AK7: variants seen among roughly 807,000 people sequenced by gnomAD.
AK7 encodes the protein ATP-AMP transphosphorylase 7.
In AK7, 78 loss-of-function variants were observed where a neutral mutation model predicts 96.6. That is an observed-to-expected ratio of 0.81 (90% CI 0.67 to 0.97). AK7 has a LOEUF of 0.97. Among genes scored for constraint, AK7 ranks in the 50% least tolerant of loss-of-function variants. AK7 has a pLI of 0.00. For missense variants in AK7, 855 were observed against 887.9 expected, an observed-to-expected ratio of 0.96 and a Z score of 0.47; for synonymous variants, 302 against 317.2, an observed-to-expected ratio of 0.95 and a Z score of 0.51.
At chr14:96,421,030 G>A in intron 5 of AK7, 98 bp downstream of exon 5, 4 of 814,466 alleles carry the variant, frequency 4.9e-6, no homozygotes, top group Non-Finnish European at 7.9e-6. Flanking sequence ...CTGAGCTTTA[G>A]GCTCACCCCA....
At chr14:96,392,787 C>G (rs1418276354) in intron 1 of AK7, among the ~76,000 whole-genome samples, 24 of 152,118 alleles carry the variant, frequency 1.6e-4, no homozygotes, top group Admixed American at 1.5e-3. Context: ...CCTCAGCCTC[C>G]GAGTAGCTGG....
chr14:96,460,718 T>C (rs1348031439), intron 12 of AK7, among the ~76,000 whole-genome samples: 3 of 152,166 alleles, frequency 2.0e-5, no homozygotes, highest in Non-Finnish European at 2.9e-5. Flanking sequence ...CTACCAGGTG[T>C]CCATGTCACC....
chr14:96,438,184 T>C (rs1892754647), intron 6 of AK7, among the ~76,000 whole-genome samples: 2 of 152,234 alleles, frequency 1.3e-5, no homozygotes, highest in Admixed American at 1.3e-4. Context: ...TGGAAACTGT[T>C]GTAGGTACTT....
chr14:96,424,870 A>T (rs985815428), intron 5 of AK7, among the ~76,000 whole-genome samples: 1 of 152,176 alleles, frequency 6.6e-6, no homozygotes, highest in Admixed American at 6.5e-5. Context: ...TTTATGTTTA[A>T]TTTACAGGTG....
Position 96,398,248 on chromosome 14 carries a change from G to C in AK7, c.279G>C (p.Ala93=), listed in dbSNP as rs114723307. The C allele has an allele frequency of 8.1e-6, 13 of 1,613,082 alleles. No homozygotes were observed. The highest frequency in any genetic ancestry group is 2.2e-5 in the East Asian group (1 of 44,874). The change falls in exon 2 of 18, where the codon GCG becomes GCC. Residue 93 remains alanine (A), a synonymous_variant. Transcript: ENST00000267584. Reference sequence around the variant, plus strand: ...CTGACAGCCCGCGGCCTGACTTTGCGGTGGAGACGTACTCTGTAAGTCCCG... The same window carrying C: ...CTGACAGCCCGCGGCCTGACTTTGCCGTGGAGACGTACTCTGTAAGTCCCG... ...SKPDSPRPDF[A]VETYSAISRE... is the part of the protein sequence containing the mutation.
chr14:96,418,155 T>C (rs1385906693), intron 4 of AK7, among the ~76,000 whole-genome samples: 3 of 137,848 alleles, frequency 2.2e-5, no homozygotes, highest in Non-Finnish European at 3.2e-5. Flanking sequence ...AGACCCTGCC[T>C]TTACACAAAA....
chr14:96,478,222 A>AGGG (rs1566811450), intron 14 of AK7, among the ~76,000 whole-genome samples: 1 of 132,900 alleles, frequency 7.5e-6, no homozygotes, highest in Non-Finnish European at 1.6e-5. Context: ...GAAGAGAGGG[A>AGGG]GGGGGGAAGA....
At chr14:96,442,584 G>T in intron 6 of AK7, 146 bp from the exon 7 acceptor site, 1 of 718,180 alleles carries the variant, frequency 1.4e-6, no homozygotes, top group South Asian at 1.6e-5. Flanking sequence ...ATCTCATCAG[G>T]GCTGATTTAT....
chr14:96,465,678 C>T (rs183619372), intron 12 of AK7, among the ~76,000 whole-genome samples: 1 of 151,792 alleles, frequency 6.6e-6, no homozygotes, highest in African/African-American at 2.4e-5. Context: ...TTTATTTTAC[C>T]TGGTGAATGG....
rs71103528 is a variant in AK7 at position 96,448,630 on chromosome 14, TAAAAAAAAAAAAAAAA to T, written c.871-1153_871-1138del. 2.1e-3 allele frequency among the ~76,000 whole-genome samples: 158 copies of T among 74,888 alleles called. 1 individual carries two copies. The highest frequency in any genetic ancestry group is 2.1e-3 in the Admixed American group (12 of 5,608). 49.1% of individuals were successfully genotyped at this position (74,888 alleles called of 152,430 possible). On this transcript the variant is annotated intron_variant, in intron 8 of 17. Transcript: ENST00000267584. Reference sequence around the variant, plus strand: ...GGGCAATAGAACAAGACCCTATCTCTAAAAAAAAAAAAAAAAAAAAAAAAAAAAAAAAAATTACGGC... The same window carrying T: ...GGGCAATAGAACAAGACCCTATCTCTAAAAAAAAAAAAAAAAAATTACGGC...
At chr14:96,475,033 G>A (rs1895099057) in intron 14 of AK7, among the ~76,000 whole-genome samples, 1 of 152,228 alleles carries the variant, frequency 6.6e-6, no homozygotes, top group African/African-American at 2.4e-5. Flanking sequence ...ACCTGCCTGT[G>A]AGATAAGGAA....
chr14:96,480,653 G>A (rs891266770), intron 15 of AK7, among the ~76,000 whole-genome samples: 6 of 152,230 alleles, frequency 3.9e-5, no homozygotes, highest in African/African-American at 1.4e-4. Context: ...GAAAAATAGT[G>A]ATTGTCATCT....
chr14:96,428,031 G>A (rs1271764715), intron 5 of AK7, among the ~76,000 whole-genome samples: 1 of 152,028 alleles, frequency 6.6e-6, no homozygotes, highest in African/African-American at 2.4e-5. Flanking sequence ...TGTTACATAT[G>A]TATACATGTC....
intron 3 of AK7, 58 bp from the exon 4 acceptor site, chr14:96,408,789 A>G: frequency 6.5e-7 from 1 of 1,549,584 alleles, no homozygotes; most frequent in Non-Finnish European, 8.9e-7. Flanking sequence ...AGTACACGTG[A>G]TTTAGAAACC....
At chr14:96,423,782 G>A (rs895540246) in intron 5 of AK7, 3 of 739,696 alleles carry the variant, frequency 4.1e-6, no homozygotes, top group East Asian at 2.7e-5. Flanking sequence ...GACCCCGAGC[G>A]CGTACTTTTT....
intron 5 of AK7, among the ~76,000 whole-genome samples, chr14:96,429,758 CTGTT>C (rs1428338952): frequency 1.3e-5 from 2 of 152,120 alleles, no homozygotes; most frequent in Admixed American, 6.5e-5. Context: ...ATTTGGCTCT[CTGTT>C]TGTCTGTTAT....
intron 1 of AK7, among the ~76,000 whole-genome samples, chr14:96,394,213 A>T (rs1889924555): frequency 6.6e-6 from 1 of 152,136 alleles, no homozygotes; most frequent in Admixed American, 6.6e-5. Flanking sequence ...GTTCCAAAGT[A>T]GGAATAGGGT....
chr14:96,482,941 CA>C, intron 15 of AK7, 57 bp from the exon 16 acceptor site: 1 of 1,542,718 alleles, frequency 6.5e-7, no homozygotes, highest in Non-Finnish European at 8.9e-7. Flanking sequence ...AGAATTTTCC[CA>C]ATTGCAGGCA....
intron 15 of AK7, among the ~76,000 whole-genome samples, chr14:96,482,301 C>T (rs59879307): frequency 0.024 from 3,613 of 152,172 alleles, 143 homozygotes; most frequent in African/African-American, 0.082. Flanking sequence ...TATGAATGGG[C>T]GTGGGGTAAG....
Sources: allele counts gnomAD v4.1 joint callset (sites outside exome capture counted in the v4.1 genomes callset), GRCh38; gene constraint gnomAD v4.1.1; transcripts MANE v1.5; gene names NCBI Gene and HGNC (gene_info 2026-07-23, HGNC 2026-07-21).